Variants in HDAC9 observed in about 807,000 individuals in gnomAD.
HDAC9 encodes MEF-2 interacting transcription repressor (MITR) protein.
A neutral mutation model predicts 139.4 loss-of-function variants in HDAC9; 41 were observed. That is an observed-to-expected ratio of 0.29 (90% CI 0.23 to 0.38). HDAC9 has a LOEUF of 0.38. Ranked by LOEUF, HDAC9 falls within the 10% of genes least tolerant of loss-of-function variation. The probability of loss-of-function intolerance (pLI) is 1.00; values close to 1 mark genes in which losing one functional copy is unlikely to be tolerated. For synonymous variants in HDAC9, 517 were observed against 476.2 expected, an observed-to-expected ratio of 1.09 and a Z score of -1.12; for missense variants, 1,147 against 1,297.0, an observed-to-expected ratio of 0.88 and a Z score of 1.78.
intron 12 of HDAC9, among the ~76,000 whole-genome samples, chr7:18,700,086 G>C (rs1415689051): frequency 6.6e-6 from 1 of 151,958 alleles, no homozygotes; most frequent in Admixed American, 6.6e-5. Flanking sequence ...AGAGTAACAG[G>C]CACACTTGTC....
At chr7:18,796,043 A>G (rs996612233) in intron 17 of HDAC9, among the ~76,000 whole-genome samples, 1 of 152,228 alleles carries the variant, frequency 6.6e-6, no homozygotes, top group East Asian at 1.9e-4. Context: ...ATTCTATCCC[A>G]TTCTCCCAGT....
intron 1 of HDAC9, among the ~76,000 whole-genome samples, chr7:18,348,036 A>G (rs1364025298): frequency 1.3e-5 from 2 of 152,186 alleles, no homozygotes; most frequent in African/African-American, 4.8e-5. Context: ...AAGACGGATC[A>G]TGCAGTAACT....
intron 2 of HDAC9, among the ~76,000 whole-genome samples, chr7:18,257,401 C>CA (rs1795338037): frequency 2.1e-4 from 28 of 130,956 alleles, no homozygotes; most frequent in African/African-American, 5.2e-4. Flanking sequence ...TCTGTCTCTC[C>CA]CACACACACA....
intron 1 of HDAC9, among the ~76,000 whole-genome samples, chr7:18,308,163 T>A (rs904753408): frequency 4.6e-5 from 7 of 152,242 alleles, no homozygotes; most frequent in Non-Finnish European, 1.0e-4. Context: ...ATAGTGTCAC[T>A]GACTGATGTT....
chr7:18,288,857 A>T (rs544073475), upstream of HDAC9, among the ~76,000 whole-genome samples: 1 of 152,106 alleles, frequency 6.6e-6, no homozygotes, highest in East Asian at 1.9e-4. Flanking sequence ...GAGAGGGGCA[A>T]GTAGGTGTGT....
At chr7:18,560,786 T>C (rs1820334573) in intron 2 of HDAC9, among the ~76,000 whole-genome samples, 1 of 152,050 alleles carries the variant, frequency 6.6e-6, no homozygotes, top group African/African-American at 2.4e-5. Context: ...GTGGGGACCA[T>C]AGAGCTAGCT....
chr7:18,732,628 T>C lies in HDAC9; in HGVS notation c.1909+4871T>C, dbSNP rs968737397. Among the ~76,000 whole-genome samples, 28 of 136,438 alleles carry C rather than the reference T, an allele frequency of 2.1e-4. 5 individuals are homozygous for C. Among genetic ancestry groups the C allele is most frequent in the Non-Finnish European group, 3.7e-4 (24 of 64,124 alleles). The allele number at this position is 136,438 out of a possible 152,430, so 89.5% of individuals were successfully genotyped here. On this transcript the variant is annotated intron_variant, in intron 13 of 25. Transcript: ENST00000686413. Reference sequence around the variant, plus strand: ...GTGCATATGTGTATATACACACACGTGTATATGTGTGCATATGTGTATATA... The same window carrying C: ...GTGCATATGTGTATATACACACACGCGTATATGTGTGCATATGTGTATATA...
At chr7:18,128,319 G>A (rs1484090274) in intron 1 of HDAC9, among the ~76,000 whole-genome samples, 1 of 152,072 alleles carries the variant, frequency 6.6e-6, no homozygotes, top group Non-Finnish European at 1.5e-5. Context: ...TGTGCTGTTA[G>A]CCATAATGTG....
chr7:18,226,512 A>G lies in HDAC9; in HGVS notation c.25+64163A>G, dbSNP rs1207071543. Among the ~76,000 whole-genome samples, 3 of 152,306 alleles carry G rather than the reference A, an allele frequency of 2.0e-5. No individual in the cohort carries two copies. In the South Asian group the frequency reaches 6.2e-4, roughly 32 times the overall value. ...CTGGAAGAATAAGTGTCACGCTAGT[A>G]GTGCTCCTTCCATAAAAAAAACTAA... On this transcript the variant is annotated intron_variant, in intron 2 of 12. Coordinates refer to the HDAC9 transcript ENST00000417496.
chr7:18,207,557 T>TTTTTTTTTTTA (rs1791621423), intron 2 of HDAC9, among the ~76,000 whole-genome samples: 1 of 141,214 alleles, frequency 7.1e-6, no homozygotes, highest in African/African-American at 2.6e-5. Flanking sequence ...TTTTTTTTTT[T>TTTTTTTTTTTA]GATTTGAGCT....
intron 11 of HDAC9, among the ~76,000 whole-genome samples, chr7:18,664,069 A>G (rs200164708): frequency 2.6e-5 from 4 of 152,278 alleles, no homozygotes; most frequent in East Asian, 3.9e-4. Context: ...GGTTCCTACA[A>G]CTTTGTAGTC....
At chr7:18,793,985 T>C (rs1251524558) in intron 17 of HDAC9, among the ~76,000 whole-genome samples, 1 of 152,208 alleles carries the variant, frequency 6.6e-6, no homozygotes, top group East Asian at 1.9e-4. Context: ...ATTGTTCTTT[T>C]CTTTTTATGG....
chr7:18,761,115 C>G (rs1055425214), intron 14 of HDAC9, among the ~76,000 whole-genome samples: 2 of 152,226 alleles, frequency 1.3e-5, no homozygotes, highest in Non-Finnish European at 2.9e-5. Context: ...AATATTAACA[C>G]TGTCTCTGTA....
intron 11 of HDAC9, among the ~76,000 whole-genome samples, chr7:18,652,088 TA>T (rs1425963330): frequency 2.0e-5 from 3 of 152,172 alleles, no homozygotes; most frequent in Admixed American, 6.5e-5. Flanking sequence ...AGAAATGCAT[TA>T]AACAGGTTCT....
intron 12 of HDAC9, among the ~76,000 whole-genome samples, chr7:18,719,822 G>A (rs999027697): frequency 2.0e-5 from 3 of 152,138 alleles, no homozygotes; most frequent in South Asian, 2.1e-4. Flanking sequence ...ATTCCTTTGC[G>A]AAAATGCGAT....
intron 2 of HDAC9, chr7:18,578,158 A>G (rs751301782): frequency 3.9e-6 from 2 of 518,852 alleles, no homozygotes; most frequent in Non-Finnish European, 7.7e-6. Flanking sequence ...GGAGCCAGAG[A>G]AACAAGATGG....
intron 24 of HDAC9, among the ~76,000 whole-genome samples, chr7:18,972,902 A>G (rs1437845160): frequency 6.6e-6 from 1 of 152,242 alleles, no homozygotes; most frequent in African/African-American, 2.4e-5. Context: ...GTACAAGGGT[A>G]ATGTATCATT....
At chr7:18,183,297 C>T (rs770545832) in intron 2 of HDAC9, among the ~76,000 whole-genome samples, 3 of 152,160 alleles carry the variant, frequency 2.0e-5, no homozygotes, top group Admixed American at 1.3e-4. Context: ...GCGTGAGCCA[C>T]GGCGCCCAGC....
intron 2 of HDAC9, among the ~76,000 whole-genome samples, chr7:18,254,553 A>G (rs1377207714): frequency 6.6e-6 from 1 of 152,228 alleles, no homozygotes; most frequent in Non-Finnish European, 1.5e-5. Flanking sequence ...AGTTGGCTAG[A>G]GTAGCATAGA....
Sources: gnomAD v4.1 joint callset for allele counts (sites outside exome capture counted in the v4.1 genomes callset) on GRCh38, gnomAD v4.1.1 for gene constraint, MANE v1.5 for transcripts, NCBI Gene and HGNC (gene_info 2026-07-23, HGNC 2026-07-21) for gene names.